Variants in ARID2 observed in about 807,000 individuals in gnomAD.
The protein encoded by ARID2 is AT-rich interaction domain 2.
A neutral mutation model predicts 184.6 loss-of-function variants in ARID2; 32 were observed. The ratio of observed to expected loss-of-function variants is 0.17; its 90% CI spans 0.13 to 0.23. The LOEUF is 0.23. Ranked by LOEUF, ARID2 falls within the 10% of genes least tolerant of loss-of-function variation. ARID2 has a pLI of 1.00. For missense variants in ARID2, 1,696 were observed against 2,197.6 expected (o/e 0.77, Z 4.56); for synonymous variants, 836 against 772.6 (o/e 1.08, Z -1.36).
At chr12:45,882,215 T>A (rs1416927548) in intron 16 of ARID2, 1 of 152,254 alleles carries the variant, frequency 6.6e-6, no homozygotes, top group Admixed American at 6.5e-5. Flanking sequence ...CCTTCTTTCT[T>A]TTTTACTTTG....
At chr12:45,893,993 C>A in intron 20 of ARID2, 1 of 245,460 alleles carries the variant, frequency 4.1e-6, no homozygotes, top group Non-Finnish European at 7.7e-6. Flanking sequence ...AGCAGCTGTA[C>A]TAAAGAGGAA....
intron 3 of ARID2, among the ~76,000 whole-genome samples, chr12:45,778,428 G>A (rs1942029410): frequency 6.6e-6 from 1 of 152,122 alleles, no homozygotes; most frequent in South Asian, 2.1e-4. Context: ...ATATTCATAA[G>A]TTGAATGTAT....
chr12:45,755,138 G>C (rs937480990), intron 3 of ARID2, among the ~76,000 whole-genome samples: 1 of 152,198 alleles, frequency 6.6e-6, no homozygotes, highest in African/African-American at 2.4e-5. Flanking sequence ...CCAAAAATTG[G>C]TTTTAGACTG....
intron 3 of ARID2, among the ~76,000 whole-genome samples, chr12:45,737,346 C>G (rs1359027316): frequency 6.6e-6 from 1 of 151,864 alleles, no homozygotes; most frequent in African/African-American, 2.4e-5. Flanking sequence ...CTGCTGCCTT[C>G]CCTCTCCCCC....
intron 16 of ARID2, among the ~76,000 whole-genome samples, chr12:45,886,512 G>A (rs1944194481): frequency 6.6e-6 from 1 of 152,220 alleles, no homozygotes; most frequent in African/African-American, 2.4e-5. Flanking sequence ...GCTCCACTAG[G>A]TAGTGTCCCA....
At chr12:45,893,385 A>C in intron 18 of ARID2, 35 bp from the exon 19 acceptor site, 1 of 1,575,242 alleles carries the variant, frequency 6.3e-7, no homozygotes, top group South Asian at 1.1e-5. Flanking sequence ...GTATCACGTT[A>C]ATTCTCTCTC....
At chr12:45,897,571 A>G (rs1944385900) in intron 20 of ARID2, among the ~76,000 whole-genome samples, 1 of 152,204 alleles carries the variant, frequency 6.6e-6, no homozygotes, top group Admixed American at 6.5e-5. Context: ...AAAAACAAAC[A>G]GAATTACCTG....
chr12:45,739,555 T>A (rs541030961), intron 3 of ARID2, among the ~76,000 whole-genome samples: 137 of 150,734 alleles, frequency 9.1e-4, no homozygotes, highest in African/African-American at 2.6e-3. Context: ...ATTGTTTGGA[T>A]AAACATCTTA....
chr12:45,831,473 C>G (rs1943121381), intron 6 of ARID2, among the ~76,000 whole-genome samples: 1 of 152,084 alleles, frequency 6.6e-6, no homozygotes, highest in South Asian at 2.1e-4. Context: ...ATGATCACAT[C>G]AGGGTAAATG....
At chr12:45,819,094 GA>G (rs533282136) in intron 5 of ARID2, among the ~76,000 whole-genome samples, 199 of 152,162 alleles carry the variant, frequency 1.3e-3, no homozygotes, top group Non-Finnish European at 2.4e-3. Context: ...ACATTTTTTA[GA>G]AACCTTAAAA....
chr12:45,907,780 C>G lies in ARID2; in HGVS notation c.*2702C>G, dbSNP rs1245384270. On this transcript the variant is annotated 3_prime_UTR_variant, in exon 21 of 21. Transcript: ENST00000334344. ...GAGAAATCTATGTAAATAATATAGT[C>G]TACAACATAGAGACTGTATAATTCT... The G allele has an allele frequency of 4.3e-6, 1 of 232,536 alleles. No individual in the cohort carries two copies. The highest frequency in any genetic ancestry group is 8.5e-6 in the Non-Finnish European group (1 of 117,542). 14.4% of individuals were successfully genotyped at this position (232,536 alleles called of 1,614,324 possible). A position where few individuals can be genotyped will look rare whatever the true frequency, so the allele number is the denominator to read the frequency against.
At chr12:45,842,196 A>T (rs995020370) in intron 11 of ARID2, 2 of 150,876 alleles carry the variant, frequency 1.3e-5, no homozygotes, top group Non-Finnish European at 2.9e-5. Context: ...GTGTCACTGG[A>T]TCCACCTTAG....
intron 16 of ARID2, among the ~76,000 whole-genome samples, chr12:45,885,454 A>AGTTT (rs893038588): frequency 4.6e-5 from 7 of 151,890 alleles, no homozygotes; most frequent in Admixed American, 6.6e-5. Context: ...AAGTCAGGTG[A>AGTTT]GTTTGTTTGT....
chr12:45,851,560 C>T lies in ARID2; in HGVS notation c.3437C>T (p.Ser1146Leu), dbSNP rs1943550706. ...PSGGVQTVPISNLQILPGPLI... is the reference protein window; with the variant it reads ...PSGGVQTVPILNLQILPGPLI... The stretch of plus-strand genomic sequence containing the variant: ...GGGGGAGTACAAACTGTGCCCATTT[C>T]GAACTTACAAATATTGCCAGGTCCA... The change falls in exon 15 of 21, where the codon TCG (serine) becomes TTG (leucine). Residue 1146 changes from serine to leucine, a missense_variant. Around this residue, in one of 11 missense-constraint regions of ARID2, gnomAD observed 713 missense variants for 824.4 expected, o/e 0.86. Transcript: ENST00000334344. 1.2e-6 allele frequency: 2 copies of T among 1,614,014 alleles called. No homozygotes were observed. Among genetic ancestry groups the T allele is most frequent in the African/African-American group, 1.3e-5 (1 of 74,920 alleles).
At chr12:45,754,386 T>C (rs1243521087) in intron 3 of ARID2, among the ~76,000 whole-genome samples, 1 of 152,194 alleles carries the variant, frequency 6.6e-6, no homozygotes, top group Non-Finnish European at 1.5e-5. Context: ...ATGTCTTTTT[T>C]TCTGTTTTAA....
chr12:45,902,290 CATTT>C (rs1944469962), intron 20 of ARID2, among the ~76,000 whole-genome samples: 1 of 151,994 alleles, frequency 6.6e-6, no homozygotes, highest in Non-Finnish European at 1.5e-5. Flanking sequence ...AAAAATTAAA[CATTT>C]ATATCAAAAA....
chr12:45,737,451 T>C lies in ARID2; in HGVS notation c.284+6137T>C, dbSNP rs189167106. On this transcript the variant is annotated intron_variant, in intron 3 of 20. Coordinates refer to ENST00000334344, the MANE Select transcript of ARID2 (RefSeq NM_152641.4). ...AATTCTGGCTTTGATTGCTTTCTTT[T>C]GGTGTCAATTAACTTGTTCCTCTAT... 1.5e-3 allele frequency among the ~76,000 whole-genome samples: 221 copies of C among 152,008 alleles called. 1 individual carries two copies. Among genetic ancestry groups the C allele is most frequent in the East Asian group, 5.8e-4 (3 of 5,184 alleles).
intron 3 of ARID2, among the ~76,000 whole-genome samples, chr12:45,800,357 T>C (rs1215593591): frequency 6.6e-6 from 1 of 152,170 alleles, no homozygotes; most frequent in Non-Finnish European, 1.5e-5. Flanking sequence ...GTTTGTTTAC[T>C]TTAGGATTGA....
At chr12:45,870,183 C>T (rs1348017143) in intron 16 of ARID2, among the ~76,000 whole-genome samples, 4 of 151,910 alleles carry the variant, frequency 2.6e-5, no homozygotes, top group East Asian at 2.0e-4. Flanking sequence ...GAGAACGGGG[C>T]TTCACTGTGC....
Sources: allele counts gnomAD v4.1 joint callset (sites outside exome capture counted in the v4.1 genomes callset), GRCh38; gene constraint gnomAD v4.1.1; regional missense constraint gnomAD v4.1.1; transcripts MANE v1.5; gene names NCBI Gene and HGNC (gene_info 2026-07-23, HGNC 2026-07-21).